Variants in PDZK1IP1 observed in about 807,000 individuals in gnomAD.
PDZK1IP1 encodes PDZK1 interacting protein 1, also known as PDZK1-interacting protein 1.
A neutral mutation model predicts 14.7 loss-of-function variants in PDZK1IP1; 9 were observed. The ratio of observed to expected loss-of-function variants is 0.61; its 90% CI spans 0.37 to 1.07. PDZK1IP1 has a LOEUF of 1.07. Among genes scored for constraint, PDZK1IP1 ranks in the 50% least tolerant of loss-of-function variants. PDZK1IP1 has a pLI of 0.01. For synonymous variants in PDZK1IP1, 70 were observed against 61.2 expected, an observed-to-expected ratio of 1.14 and a Z score of -0.67; for missense variants, 152 against 148.7, an observed-to-expected ratio of 1.02 and a Z score of -0.11.
chr1:47,187,953 G>A (rs1322372766), intron 1 of PDZK1IP1, among the ~76,000 whole-genome samples: 1 of 152,212 alleles, frequency 6.6e-6, no homozygotes, highest in African/African-American at 2.4e-5. Flanking sequence ...GACTCTCAGG[G>A]CTGCTCAGCT....
At chr1:47,186,257 G>A (rs1005055598) in intron 2 of PDZK1IP1, among the ~76,000 whole-genome samples, 3 of 151,426 alleles carry the variant, frequency 2.0e-5, no homozygotes, top group Non-Finnish European at 2.9e-5. Context: ...GCAGTGAGCC[G>A]AGATAGAGCC....
At chr1:47,188,025 G>A (rs1645330572) in intron 1 of PDZK1IP1, among the ~76,000 whole-genome samples, 1 of 152,184 alleles carries the variant, frequency 6.6e-6, no homozygotes, top group South Asian at 2.1e-4. Flanking sequence ...TCTTTAGAAG[G>A]GCAGAATGGA....
At chr1:47,187,710 C>T (rs894426565) in intron 1 of PDZK1IP1, among the ~76,000 whole-genome samples, 2 of 152,190 alleles carry the variant, frequency 1.3e-5, no homozygotes, top group African/African-American at 4.8e-5. Flanking sequence ...GAGGGAAGAG[C>T]CTCAGTGCTG....
chr1:47,183,614 C>A lies in PDZK1IP1; in HGVS notation c.*357G>T. On this transcript the variant is annotated 3_prime_UTR_variant, in exon 4 of 4. Transcript: ENST00000294338. The stretch of plus-strand genomic sequence containing the variant: ...TCACTGGAAGCCTGAGGGGCTGTTG[C>A]TGAGCCTCAGCCCCAGAAATACAAA... 1 of 252,318 alleles carries A rather than the reference C, an allele frequency of 4.0e-6. No individual in the cohort carries two copies. The allele number at this position is 252,318 out of a possible 1,614,324, so 15.6% of individuals were successfully genotyped here. A position where few individuals can be genotyped will look rare whatever the true frequency, so the allele number is the denominator to read the frequency against.
At chr1:47,189,745 C>T (rs1166035910) in intron 1 of PDZK1IP1, 121 bp downstream of exon 1, 20 of 642,768 alleles carry the variant, frequency 3.1e-5, no homozygotes, top group Non-Finnish European at 4.8e-5. Flanking sequence ...GACATTCTTT[C>T]AGCTAGCGCA....
chr1:47,185,747 C>T (rs1645315332), intron 2 of PDZK1IP1, among the ~76,000 whole-genome samples: 1 of 152,090 alleles, frequency 6.6e-6, no homozygotes, highest in Non-Finnish European at 1.5e-5. Context: ...ACTTAGATGC[C>T]ATTCCTGCCT....
chr1:47,185,138 C>A (rs1470057108), intron 2 of PDZK1IP1, 41 bp from the exon 3 acceptor site: 1 of 1,509,104 alleles, frequency 6.6e-7, no homozygotes, highest in Admixed American at 1.7e-5. Context: ...CAGTGGGGCC[C>A]CCCTCGTCCA....
At chr1:47,185,681 CT>C (rs2148572705) in intron 2 of PDZK1IP1, among the ~76,000 whole-genome samples, 1 of 152,266 alleles carries the variant, frequency 6.6e-6, no homozygotes, top group East Asian at 1.9e-4. Flanking sequence ...GCAGTTGCCC[CT>C]ATGTCTGCTC....
intron 1 of PDZK1IP1, 29 bp from the exon 2 acceptor site, chr1:47,187,456 C>A: frequency 6.4e-7 from 1 of 1,570,216 alleles, no homozygotes; most frequent in South Asian, 1.1e-5. Flanking sequence ...CTGTAGCAGA[C>A]GGGGCCACAG....
intron 3 of PDZK1IP1, among the ~76,000 whole-genome samples, chr1:47,184,563 GTCCATACCCCA>G (rs1557660577): frequency 1.6e-3 from 3 of 1,878 alleles, no homozygotes; most frequent in East Asian, 0.021. Flanking sequence ...CCCCCACTGA[GTCCATACCCCA>G]CTGAGTCCAT....
At position 47,188,945 on chromosome 1, in the gene PDZK1IP1, C is replaced by T. The variant is rs538119626; in HGVS notation, c.67+921G>A. Among the ~76,000 whole-genome samples the T allele has an allele frequency of 4.6e-5, 7 of 152,332 alleles. No homozygotes were observed. In the South Asian group the frequency reaches 1.5e-3, roughly 32 times the overall value. On this transcript the variant is annotated intron_variant, in intron 1 of 3. Transcript: ENST00000294338. ...TCCTAGACCCTGCAGCCAATTCTCTCCAGTCACCCCAGGGACCACAGTCCC... is the reference window on the plus strand; with the variant it reads ...TCCTAGACCCTGCAGCCAATTCTCTTCAGTCACCCCAGGGACCACAGTCCC...
intron 3 of PDZK1IP1, among the ~76,000 whole-genome samples, chr1:47,184,296 G>A (rs1315262474): frequency 3.2e-4 from 44 of 135,644 alleles, no homozygotes; most frequent in African/African-American, 9.8e-4. Flanking sequence ...ATCCCCCACC[G>A]AGCCCATCCC....
At chr1:47,185,934 T>C (rs1014051243) in intron 2 of PDZK1IP1, among the ~76,000 whole-genome samples, 17 of 152,022 alleles carry the variant, frequency 1.1e-4, no homozygotes, top group Non-Finnish European at 1.9e-4. Flanking sequence ...CTGGAGACTC[T>C]TCCACCGCTG....
intron 1 of PDZK1IP1, among the ~76,000 whole-genome samples, chr1:47,189,405 T>C (rs1372709592): frequency 6.6e-6 from 1 of 152,176 alleles, no homozygotes; most frequent in Non-Finnish European, 1.5e-5. Context: ...GGGGCAGTGA[T>C]TTGCTCAAGG....
intron 1 of PDZK1IP1, among the ~76,000 whole-genome samples, chr1:47,189,628 GC>G (rs1336897813): frequency 1.3e-5 from 2 of 152,214 alleles, no homozygotes; most frequent in Non-Finnish European, 2.9e-5. Context: ...TGGGGCTTGG[GC>G]CTCAAATCCT....
At position 47,183,781 on chromosome 1, in the gene PDZK1IP1, C is replaced by T; in HGVS notation, c.*190G>A. Reference sequence around the variant, plus strand: ...GGAGACCCCAGGGCCACAGCCGAGCCCCAACCTAGACACGGTCTGAGCTCC... The same window carrying T: ...GGAGACCCCAGGGCCACAGCCGAGCTCCAACCTAGACACGGTCTGAGCTCC... On this transcript the variant is annotated 3_prime_UTR_variant, in exon 4 of 4. Coordinates refer to ENST00000294338, the MANE Select transcript of PDZK1IP1 (RefSeq NM_005764.4). 3 of 618,696 alleles carry T rather than the reference C, an allele frequency of 4.8e-6. No individual in the cohort carries two copies. The highest frequency in any genetic ancestry group is 5.8e-6 in the Non-Finnish European group (2 of 346,966). The allele number at this position is 618,696 out of a possible 1,614,324, so 38.3% of individuals were successfully genotyped here. A position where few individuals can be genotyped will look rare whatever the true frequency, so the allele number is the denominator to read the frequency against.
intron 3 of PDZK1IP1, among the ~76,000 whole-genome samples, chr1:47,184,249 C>T (rs1645302209): frequency 6.6e-6 from 1 of 151,482 alleles, no homozygotes; most frequent in African/African-American, 2.4e-5. Flanking sequence ...TCTCCCTCCT[C>T]CTGTGGACTG....
intron 1 of PDZK1IP1, 54 bp downstream of exon 1, chr1:47,189,812 C>T (rs1046540220): frequency 1.4e-6 from 2 of 1,397,578 alleles, no homozygotes; most frequent in African/African-American, 1.4e-5. Flanking sequence ...GGAGCCAGAA[C>T]ACCACCTGTC....
chr1:47,187,953 G>T (rs1322372766), intron 1 of PDZK1IP1, among the ~76,000 whole-genome samples: 1 of 152,212 alleles, frequency 6.6e-6, no homozygotes, highest in African/African-American at 2.4e-5. Context: ...GACTCTCAGG[G>T]CTGCTCAGCT....
Sources: gnomAD v4.1 joint callset for allele counts (sites outside exome capture counted in the v4.1 genomes callset) on GRCh38, gnomAD v4.1.1 for gene constraint, MANE v1.5 for transcripts, NCBI Gene and HGNC (gene_info 2026-07-23, HGNC 2026-07-21) for gene names.